BBS9: variants seen among roughly 807,000 people sequenced by gnomAD.
BBS9 encodes Bardet-Biedl syndrome 9.
In BBS9, 89 loss-of-function variants were observed where a neutral mutation model predicts 117.7. The observed-to-expected ratio is 0.76, with a 90% CI of 0.64 to 0.90. BBS9 has a LOEUF of 0.90. BBS9 is among the 40% of genes least tolerant of loss of function. BBS9 has a pLI of 0.00. For synonymous variants in BBS9, 379 were observed against 370.9 expected (o/e 1.02, Z -0.25); for missense variants, 982 against 1,042.2 (o/e 0.94, Z 0.80).
intron 19 of BBS9, among the ~76,000 whole-genome samples, chr7:33,424,788 C>T (rs946885174): frequency 9.9e-5 from 15 of 151,808 alleles, no homozygotes; most frequent in South Asian, 4.2e-4. Context: ...TGGAAATGTA[C>T]TTCCTTGTTT....
chr7:33,444,980 T>C (rs1233947141), intron 19 of BBS9, among the ~76,000 whole-genome samples: 1 of 152,152 alleles, frequency 6.6e-6, no homozygotes, highest in East Asian at 1.9e-4. Flanking sequence ...TTCAGCTGTC[T>C]AGGGAAGTTG....
intron 9 of BBS9, among the ~76,000 whole-genome samples, chr7:33,301,494 C>G (rs903851411): frequency 6.6e-6 from 1 of 152,022 alleles, no homozygotes; most frequent in Admixed American, 6.6e-5. Flanking sequence ...TTTTTAGCTC[C>G]CACAAATAAG....
chr7:33,617,556 T>C (rs1284793208), intron 21 of BBS9, among the ~76,000 whole-genome samples: 1 of 152,146 alleles, frequency 6.6e-6, no homozygotes, highest in Non-Finnish European at 1.5e-5. Context: ...TCTAAAGAAA[T>C]GGAGCTTTAT....
intron 12 of BBS9, among the ~76,000 whole-genome samples, chr7:33,347,389 C>CA (rs1317357566): frequency 6.6e-6 from 1 of 151,926 alleles, no homozygotes; most frequent in Non-Finnish European, 1.5e-5. Context: ...GTAGCACTTG[C>CA]ATGGTGTCTT....
At chr7:33,251,874 C>G (rs1332696754) in intron 5 of BBS9, among the ~76,000 whole-genome samples, 1 of 152,176 alleles carries the variant, frequency 6.6e-6, no homozygotes, top group Non-Finnish European at 1.5e-5. Context: ...ATTAAGTGTT[C>G]TCCTCTATGT....
At chr7:33,198,685 T>C (rs1181428687) in intron 5 of BBS9, among the ~76,000 whole-genome samples, 1 of 151,994 alleles carries the variant, frequency 6.6e-6, no homozygotes, top group Non-Finnish European at 1.5e-5. Context: ...AGGACTTTTT[T>C]TCAATAATAA....
intron 20 of BBS9, among the ~76,000 whole-genome samples, chr7:33,515,822 C>G (rs544029790): frequency 1.3e-5 from 2 of 152,170 alleles, no homozygotes; most frequent in East Asian, 3.9e-4. Context: ...TTCAGCTTAG[C>G]TTTTGCTTTG....
intron 5 of BBS9, among the ~76,000 whole-genome samples, chr7:33,178,525 G>C (rs1258736474): frequency 1.3e-5 from 2 of 152,166 alleles, no homozygotes; most frequent in East Asian, 3.9e-4. Flanking sequence ...GGTAGTAGAG[G>C]AGCTGGTGGT....
intron 21 of BBS9, among the ~76,000 whole-genome samples, chr7:33,585,428 G>A (rs960382004): frequency 4.1e-4 from 63 of 152,150 alleles, no homozygotes; most frequent in African/African-American, 1.5e-3. Flanking sequence ...AAGGAGAAGC[G>A]AGAGAATGGG....
chr7:33,169,417 A>G (rs1431590401), intron 4 of BBS9, among the ~76,000 whole-genome samples: 1 of 151,608 alleles, frequency 6.6e-6, no homozygotes, highest in Non-Finnish European at 1.5e-5. Context: ...ACTAGTTTAC[A>G]GTCCCACCAA....
intron 5 of BBS9, among the ~76,000 whole-genome samples, chr7:33,232,036 T>C (rs1792556548): frequency 6.6e-6 from 1 of 152,192 alleles, no homozygotes; most frequent in Non-Finnish European, 1.5e-5. Context: ...AGGACTGCAT[T>C]GCAAGTATAA....
rs1033092420 is a variant in BBS9, at chr7:33,498,960, C to T, written c.2116-6503C>T. ...CAGCCTATTTAACACAGCAGCTGTA[C>T]TGTATTACATTTCCATCAGCAATGT... On this transcript the variant is annotated intron_variant, in intron 19 of 22. Transcript: ENST00000242067. 1.1e-4 allele frequency among the ~76,000 whole-genome samples: 17 copies of T among 152,178 alleles called. 1 individual carries two copies. The highest frequency in any genetic ancestry group is 4.1e-4 in the African/African-American group (17 of 41,440).
chr7:33,234,471 T>C lies in BBS9; in HGVS notation c.443-22765T>C, dbSNP rs150620738. On this transcript the variant is annotated intron_variant, in intron 5 of 22. Coordinates refer to ENST00000242067, the MANE Select transcript of BBS9 (RefSeq NM_198428.3). ...ATTACCTCATATAGTTAGCATTTTT[T>C]CCTTCCCTTCCTATTTTTGTGAGAG... Among the ~76,000 whole-genome samples, 1,317 of 152,210 alleles carry C rather than the reference T, an allele frequency of 8.7e-3. 18 individuals carry two copies. The highest frequency in any genetic ancestry group is 0.04 in the South Asian group (193 of 4,820).
intron 19 of BBS9, among the ~76,000 whole-genome samples, chr7:33,419,278 G>A (rs1832504736): frequency 1.3e-5 from 2 of 152,030 alleles, no homozygotes; most frequent in Non-Finnish European, 2.9e-5. Flanking sequence ...TGGACTTGAA[G>A]TTTTAATTAA....
In BBS9 at chr7:33,273,061, T is replaced by A. The variant is rs747113759; in HGVS notation, c.752T>A (p.Val251Asp). ...IGEQALDICIVSFNQSASSVF... is the reference protein window; with the variant it reads ...IGEQALDICIDSFNQSASSVF... ...GAGCAAGCCCTTGACATATGTATTG[T>A]CTCTTTCAATCAGTCGGCATCCTCT... Residue 251 changes from valine to aspartate, a missense_variant, in exon 8 of 23, where the codon GTC (valine) becomes GAC (aspartate). Coordinates refer to ENST00000242067, the MANE Select transcript of BBS9 (RefSeq NM_198428.3). 1 of 1,613,810 alleles carries A rather than the reference T, an allele frequency of 6.2e-7. No homozygotes were observed. Among genetic ancestry groups the A allele is most frequent in the Non-Finnish European group, 8.5e-7 (1 of 1,179,812 alleles).
At chr7:33,627,527 C>T (rs1004087981) in intron 21 of BBS9, among the ~76,000 whole-genome samples, 2 of 152,174 alleles carry the variant, frequency 1.3e-5, no homozygotes, top group Admixed American at 6.5e-5. Flanking sequence ...GATCCACTGA[C>T]AGCTTGTACC....
At chr7:33,480,111 C>T (rs1842329201) in intron 19 of BBS9, among the ~76,000 whole-genome samples, 1 of 152,038 alleles carries the variant, frequency 6.6e-6, no homozygotes, top group Admixed American at 6.6e-5. Flanking sequence ...TAGCAATGCT[C>T]AGTAAGGAGG....
At chr7:33,560,527 G>A (rs193065917) in intron 21 of BBS9, among the ~76,000 whole-genome samples, 10 of 152,280 alleles carry the variant, frequency 6.6e-5, no homozygotes, top group Non-Finnish European at 1.3e-4. Flanking sequence ...GGTGCTTTGA[G>A]AATTGCTTTT....
intron 8 of BBS9, among the ~76,000 whole-genome samples, chr7:33,273,623 T>C (rs1380714967): frequency 6.6e-6 from 1 of 152,196 alleles, no homozygotes; most frequent in Non-Finnish European, 1.5e-5. Context: ...TTGGTGATTA[T>C]CTAGTTATAG....
Sources: allele counts gnomAD v4.1 joint callset (sites outside exome capture counted in the v4.1 genomes callset), GRCh38; gene constraint gnomAD v4.1.1; transcripts MANE v1.5; gene names NCBI Gene and HGNC (gene_info 2026-07-23, HGNC 2026-07-21).